NOS1AP: variants seen among roughly 807,000 people sequenced by gnomAD.
NOS1AP encodes nitric oxide synthase 1 adaptor protein.
Under a neutral mutation model 56.2 loss-of-function variants are expected in NOS1AP, and 21 were observed. The observed-to-expected ratio is 0.37, with a 90% CI of 0.26 to 0.54. The LOEUF is 0.54. Among genes scored for constraint, NOS1AP ranks in the 20% least tolerant of loss-of-function variants. The pLI is 0.84. For synonymous variants in NOS1AP, 270 were observed against 274.6 expected (o/e 0.98, Z 0.17); for missense variants, 522 against 657.8 (o/e 0.79, Z 2.26).
chr1:162,091,394 A>G (rs544361108), intron 1 of NOS1AP, among the ~76,000 whole-genome samples: 3 of 152,178 alleles, frequency 2.0e-5, no homozygotes, highest in Non-Finnish European at 2.9e-5. Flanking sequence ...CATCAATATC[A>G]TACTGGCTAT....
chr1:162,329,056 C>T (rs1363442006), intron 4 of NOS1AP, among the ~76,000 whole-genome samples: 1 of 152,014 alleles, frequency 6.6e-6, no homozygotes, highest in Non-Finnish European at 1.5e-5. Context: ...AACCTAAATT[C>T]CAGCATGATG....
chr1:162,313,583 A>G (rs1235212505), intron 4 of NOS1AP, among the ~76,000 whole-genome samples: 3 of 152,154 alleles, frequency 2.0e-5, no homozygotes, highest in Non-Finnish European at 4.4e-5. Context: ...TTGGAATGCA[A>G]CTCATCCCAA....
rs1558088058 is a variant in NOS1AP, at chr1:162,075,769, GACT to G, written c.105+5491_105+5493del. Among the ~76,000 whole-genome samples the G allele has an allele frequency of 4.1e-5, 5 of 120,570 alleles. No homozygotes were observed. The South Asian group carries it at 1.2e-3, about 28-fold the overall frequency. The allele number at this position is 120,570 out of a possible 152,430, so 79.1% of individuals were successfully genotyped here. ...TTTAAAAACACTTATCTTCTGCCCAGACTACTTTTTTTTTTGGTGGGGGGCAGT... is the reference window on the plus strand; with the variant it reads ...TTTAAAAACACTTATCTTCTGCCCAGACTTTTTTTTTTGGTGGGGGGCAGT... On this transcript the variant is annotated intron_variant, in intron 1 of 9. Transcript: ENST00000361897.
intron 2 of NOS1AP, among the ~76,000 whole-genome samples, chr1:162,279,323 C>T (rs1161848410): frequency 1.3e-5 from 2 of 152,192 alleles, no homozygotes; most frequent in African/African-American, 4.8e-5. Flanking sequence ...GGAGCAACCG[C>T]CACTTGGAGC....
chr1:162,124,593 G>A (rs2102055972), intron 1 of NOS1AP, among the ~76,000 whole-genome samples: 1 of 151,814 alleles, frequency 6.6e-6, no homozygotes, highest in Non-Finnish European at 1.5e-5. Flanking sequence ...CACGATCTTG[G>A]CTCACTGCAA....
At chr1:162,081,869 G>A (rs1242431882) in intron 1 of NOS1AP, among the ~76,000 whole-genome samples, 1 of 149,278 alleles carries the variant, frequency 6.7e-6, no homozygotes, top group Non-Finnish European at 1.5e-5. Flanking sequence ...CTCCCAAAGT[G>A]CTGGAATTAC....
chr1:162,155,298 GTA>G (rs1557808123), intron 2 of NOS1AP, among the ~76,000 whole-genome samples: 1 of 142,600 alleles, frequency 7.0e-6, no homozygotes, highest in Non-Finnish European at 1.5e-5. Flanking sequence ...ACATATATAT[GTA>G]TATGTATGTG....
At chr1:162,267,042 A>G (rs974607579) in intron 2 of NOS1AP, among the ~76,000 whole-genome samples, 5 of 152,138 alleles carry the variant, frequency 3.3e-5, no homozygotes, top group African/African-American at 7.2e-5. Context: ...GTCTGACCCT[A>G]TTTGCCTGTG....
chr1:162,355,859 T>C (rs1657689001), intron 7 of NOS1AP, among the ~76,000 whole-genome samples: 1 of 152,240 alleles, frequency 6.6e-6, no homozygotes, highest in Admixed American at 6.5e-5. Context: ...TCATCAGCTC[T>C]AACCTAACAT....
intron 2 of NOS1AP, among the ~76,000 whole-genome samples, chr1:162,187,484 A>G (rs1021936790): frequency 9.2e-5 from 14 of 152,228 alleles, no homozygotes; most frequent in African/African-American, 3.4e-4. Flanking sequence ...TCACAAAATC[A>G]TTCAAAATTA....
chr1:162,305,931 A>G (rs182757985), intron 4 of NOS1AP, among the ~76,000 whole-genome samples: 1 of 152,292 alleles, frequency 6.6e-6, no homozygotes, highest in East Asian at 1.9e-4. Flanking sequence ...ACATATATTA[A>G]TGTTCAATTA....
chr1:162,294,204 GAAGGAAGGAAGGAAGGAAGGAAGA>G (rs1655371052), intron 3 of NOS1AP, among the ~76,000 whole-genome samples: 3 of 147,742 alleles, frequency 2.0e-5, no homozygotes, highest in African/African-American at 7.6e-5. Context: ...AGTAAGGAAG[GAAGGAAGGAAGGAAGGAAGGAAGA>G]AAGAAAGGAA....
chr1:162,102,267 T>C (rs1051821902), intron 1 of NOS1AP, among the ~76,000 whole-genome samples: 3 of 152,234 alleles, frequency 2.0e-5, no homozygotes, highest in African/African-American at 7.2e-5. Flanking sequence ...TTGTGTATGT[T>C]GAACCAATCT....
intron 1 of NOS1AP, among the ~76,000 whole-genome samples, chr1:162,152,954 C>CTGTT (rs1649778998): frequency 6.6e-6 from 1 of 151,968 alleles, no homozygotes; most frequent in African/African-American, 2.4e-5. Context: ...ATCCCTTGGG[C>CTGTT]TGTTTTATGT....
At chr1:162,198,223 G>A (rs1402066368) in intron 2 of NOS1AP, among the ~76,000 whole-genome samples, 2 of 152,218 alleles carry the variant, frequency 1.3e-5, no homozygotes, top group Non-Finnish European at 2.9e-5. Context: ...ATTACACAGT[G>A]AGTTGTCAGG....
chr1:162,353,786 G>T (rs1657601827), intron 6 of NOS1AP, among the ~76,000 whole-genome samples: 1 of 152,124 alleles, frequency 6.6e-6, no homozygotes, highest in African/African-American at 2.4e-5. Context: ...TTAGTTCCCA[G>T]CACCACCCAC....
chr1:162,111,543 A>G (rs145990260), intron 1 of NOS1AP, among the ~76,000 whole-genome samples: 158 of 152,334 alleles, frequency 1.0e-3, no homozygotes, highest in Non-Finnish European at 1.6e-3. Context: ...TCAAAACAGT[A>G]GGACAGGGAT....
At chr1:162,184,741 C>G (rs1352353572) in intron 2 of NOS1AP, among the ~76,000 whole-genome samples, 3 of 152,178 alleles carry the variant, frequency 2.0e-5, no homozygotes, top group Non-Finnish European at 4.4e-5. Flanking sequence ...GCCCTGTTTT[C>G]CAGTAGTTCC....
chr1:162,234,107 G>T (rs1227780394), intron 2 of NOS1AP, among the ~76,000 whole-genome samples: 4 of 152,192 alleles, frequency 2.6e-5, no homozygotes, highest in Non-Finnish European at 5.9e-5. Context: ...GGCAGAATGT[G>T]ATTGGGCCCA....
Sources: allele counts gnomAD v4.1 joint callset (sites outside exome capture counted in the v4.1 genomes callset), GRCh38; gene constraint gnomAD v4.1.1; transcripts MANE v1.5; gene names NCBI Gene and HGNC (gene_info 2026-07-23, HGNC 2026-07-21).